Variants in DLEC1 observed in about 807,000 individuals in gnomAD.
DLEC1 encodes DLEC1 cilia and flagella associated protein.
Under a neutral mutation model 198.1 loss-of-function variants are expected in DLEC1, and 146 were observed. The observed-to-expected ratio is 0.74, with a 90% CI of 0.64 to 0.85. The LOEUF (loss-of-function observed/expected upper bound fraction) is 0.85. Among genes scored for constraint, DLEC1 ranks in the 40% least tolerant of loss-of-function variants. The probability of loss-of-function intolerance (pLI) is 0.00; values close to 1 mark genes in which losing one functional copy is unlikely to be tolerated. For missense variants in DLEC1, 2,233 were observed against 2,220.0 expected (o/e 1.01, Z -0.12); for synonymous variants, 897 against 866.8 (o/e 1.03, Z -0.61).
intron 3 of DLEC1, among the ~76,000 whole-genome samples, chr3:38,061,692 G>A (rs536904168): frequency 4.6e-5 from 7 of 152,204 alleles, no homozygotes; most frequent in Admixed American, 2.0e-4. Flanking sequence ...TTTTGAGACC[G>A]GGTCTTGCTT....
In DLEC1 at chr3:38,088,530, T is replaced by C. The variant is rs997083757; in HGVS notation, c.1665+142T>C. 2.2e-5 allele frequency: 16 copies of C among 717,142 alleles called. 1 individual carries two copies. The highest frequency in any genetic ancestry group is 3.5e-5 in the Non-Finnish European group (15 of 428,774). The allele number at this position is 717,142 out of a possible 1,614,324, so 44.4% of individuals were successfully genotyped here. ...GGTAGACGCATATTCTTGCATTCTG[T>C]AGGGTGATGTCAGATGTCATTTGAC... On this transcript the variant is annotated intron_variant, in intron 10 of 36. Transcript: ENST00000308059.
chr3:38,122,114 C>G lies in DLEC1; in HGVS notation c.5064C>G (p.Ser1688=). 6.2e-7 allele frequency: 1 copy of G among 1,611,614 alleles called. No individual in the cohort carries two copies. ...AGGCCGCTGTGGCCTTCAGGGTCTC[C>G]CCAAACAGTGGGCTGCTAGAAGCAC... The part of the protein sequence containing the change: ...PAKAAVAFRV[S]PNSGLLEARS... The change falls in exon 36 of 37, where the codon TCC becomes TCG. Residue 1688 remains serine, a synonymous_variant. Coordinates refer to ENST00000308059, the MANE Select transcript of DLEC1 (RefSeq NM_007335.4).
In DLEC1 at chr3:38,065,414, A is replaced by G. The variant is rs1168159041; in HGVS notation, c.1173+1495A>G. Among the ~76,000 whole-genome samples the G allele has an allele frequency of 3.3e-5, 5 of 151,820 alleles. No homozygotes were observed. In the East Asian group the frequency reaches 9.7e-4, roughly 30 times the overall value. On this transcript the variant is annotated intron_variant, in intron 6 of 36. Coordinates refer to ENST00000308059, the MANE Select transcript of DLEC1 (RefSeq NM_007335.4). ...AGGAGAGGAAGACCGTGCAGAGGGA[A>G]AGGGAGAGGGAGAGGGCGGAAATTT... is the stretch of plus-strand genomic sequence containing the variant.
chr3:38,116,910 G>A (rs2125743336), intron 29 of DLEC1, 21 bp downstream of exon 29: 13 of 1,612,252 alleles, frequency 8.1e-6, no homozygotes, highest in Non-Finnish European at 1.1e-5. Flanking sequence ...GTATGGGCTG[G>A]GAGCTGTCTG....
intron 23 of DLEC1, among the ~76,000 whole-genome samples, 174 bp from the exon 24 acceptor site, chr3:38,111,503 A>G (rs141118078): frequency 9.4e-4 from 143 of 152,292 alleles, no homozygotes; most frequent in African/African-American, 3.2e-3. Flanking sequence ...GTGGGAGCAA[A>G]GACCAGAGAA....
chr3:38,109,438 C>G lies in DLEC1; in HGVS notation c.3136C>G (p.Leu1046Val), dbSNP rs1699745899. ...LELTAHTQEELTHLALPCHVS... is the reference protein window; with the variant it reads ...LELTAHTQEEVTHLALPCHVS... ...TGGATGGGCTTTCTTATAGGAAGAG[C>G]TGACCCATCTGGCCCTCCCTTGTCA... is the stretch of plus-strand genomic sequence containing the variant. The change falls in exon 22 of 37, where the codon CTG (leucine) becomes GTG (valine). Residue 1046 changes from leucine to valine, a missense_variant. Coordinates refer to ENST00000308059, the MANE Select transcript of DLEC1 (RefSeq NM_007335.4). The G allele has an allele frequency of 6.2e-7, 1 of 1,614,062 alleles. No homozygotes were observed. Among genetic ancestry groups the G allele is most frequent in the Admixed American group, 1.7e-5 (1 of 60,014 alleles).
intron 2 of DLEC1, among the ~76,000 whole-genome samples, chr3:38,056,099 AC>A (rs1559400136): frequency 1.5e-4 from 22 of 144,782 alleles, no homozygotes; most frequent in African/African-American, 5.7e-4. Context: ...ACACACACAC[AC>A]ACACACACAC....
Position 38,112,062 on chromosome 3 carries a change from G to A in DLEC1, c.3515-148G>A, listed in dbSNP as rs1263169381. ...CTGAGTAGCTTGCCTCTGGATTCCA[G>A]GCTCCCAGGAGGAGGGCACATGTAG... On this transcript the variant is annotated intron_variant, in intron 24 of 36. Transcript: ENST00000308059. This position sits in a 1 kb window ranked among gnomAD's most constrained non-coding sequence, Gnocchi z 4.8. 3.9e-6 allele frequency: 5 copies of A among 1,294,412 alleles called. No individual in the cohort carries two copies. The highest frequency in any genetic ancestry group is 5.4e-6 in the Non-Finnish European group (5 of 930,266). 80.2% of individuals were successfully genotyped at this position (1,294,412 alleles called of 1,614,324 possible).
At chr3:38,083,964 A>T (rs1323682394) in intron 6 of DLEC1, among the ~76,000 whole-genome samples, 194 bp from the exon 7 acceptor site, 2 of 152,074 alleles carry the variant, frequency 1.3e-5, no homozygotes, top group Non-Finnish European at 2.9e-5. Context: ...ACTTCCCAAA[A>T]CAAACAAAAG....
intron 19 of DLEC1, among the ~76,000 whole-genome samples, chr3:38,102,765 G>A (rs529680749): frequency 6.6e-6 from 1 of 152,302 alleles, no homozygotes; most frequent in African/African-American, 2.4e-5. Flanking sequence ...TAAACAAACA[G>A]TGGAGAAAAC....
chr3:38,078,831 G>T (rs1697787988), intron 6 of DLEC1, among the ~76,000 whole-genome samples: 1 of 152,200 alleles, frequency 6.6e-6, no homozygotes, highest in African/African-American at 2.4e-5. Flanking sequence ...TTGACACCAT[G>T]GGGTGGATAG....
At chr3:38,047,190 A>C (rs35523517) in intron 2 of DLEC1, among the ~76,000 whole-genome samples, 48,527 of 152,150 alleles carry the variant, frequency 0.32, 8,046 homozygotes, top group East Asian at 0.56. Context: ...TCCTCATCAA[A>C]GCTCCATCGC....
chr3:38,091,986 C>T (rs1457331136), intron 10 of DLEC1, among the ~76,000 whole-genome samples: 2 of 152,204 alleles, frequency 1.3e-5, no homozygotes, highest in Admixed American at 6.5e-5. Flanking sequence ...TATGATTCAG[C>T]AGTCCTACTA....
At chr3:38,065,949 G>A (rs780285455) in intron 6 of DLEC1, among the ~76,000 whole-genome samples, 42 of 152,144 alleles carry the variant, frequency 2.8e-4, no homozygotes, top group Non-Finnish European at 5.6e-4. Context: ...GGCTAATTGC[G>A]TTATTGTGGT....
chr3:38,112,157 C>T lies in DLEC1; in HGVS notation c.3515-53C>T, dbSNP rs899043627. On this transcript the variant is annotated intron_variant, in intron 24 of 36. Coordinates refer to ENST00000308059, the MANE Select transcript of DLEC1 (RefSeq NM_007335.4). The surrounding 1 kb of genome is among the most constrained non-coding windows in gnomAD (Gnocchi z 4.8). ...TTTGCTCACACACGAGGGTTTGGAC[C>T]TCACTCCCAACCCCAGGCCCGTGAA... 8.7e-6 allele frequency: 14 copies of T among 1,610,104 alleles called. No individual in the cohort carries two copies. The South Asian group carries it at 1.5e-4, about 18-fold the overall frequency.
At chr3:38,082,441 A>G (rs1337380491) in intron 6 of DLEC1, among the ~76,000 whole-genome samples, 1 of 151,592 alleles carries the variant, frequency 6.6e-6, no homozygotes, top group Non-Finnish European at 1.5e-5. Flanking sequence ...AGGCCAAGGC[A>G]GGCGGCTGCT....
Position 38,115,415 on chromosome 3 carries a change from G to A in DLEC1, c.3856+362G>A, listed in dbSNP as rs150922745. Reference sequence around the variant, plus strand: ...TGGACTGCAGTGTGTGGAGTGTGTGGCATACAACTGAAGGGAAGGCCGGAG... The same window carrying A: ...TGGACTGCAGTGTGTGGAGTGTGTGACATACAACTGAAGGGAAGGCCGGAG... On this transcript the variant is annotated intron_variant, in intron 27 of 36. Coordinates refer to ENST00000308059, the MANE Select transcript of DLEC1 (RefSeq NM_007335.4). 7.1e-4 allele frequency among the ~76,000 whole-genome samples: 108 copies of A among 152,306 alleles called. 1 individual carries two copies. Among genetic ancestry groups the A allele is most frequent in the African/African-American group, 2.4e-3 (100 of 41,560 alleles).
intron 32 of DLEC1, 45 bp from the exon 33 acceptor site, chr3:38,117,761 A>G (rs775453563): frequency 6.4e-7 from 1 of 1,568,948 alleles, no homozygotes; most frequent in South Asian, 1.1e-5. Context: ...GGTTGAAGAG[A>G]GAGACAAGAT....
chr3:38,057,526 G>T (rs1051320888), intron 2 of DLEC1, among the ~76,000 whole-genome samples: 2 of 152,144 alleles, frequency 1.3e-5, no homozygotes, highest in African/African-American at 4.8e-5. Flanking sequence ...CACATAGGTG[G>T]ATCTCACAAA....
Sources: allele counts gnomAD v4.1 joint callset (sites outside exome capture counted in the v4.1 genomes callset), GRCh38; gene constraint gnomAD v4.1.1; non-coding constraint Gnocchi (gnomAD v3.1); transcripts MANE v1.5; gene names NCBI Gene and HGNC (gene_info 2026-07-23, HGNC 2026-07-21).